Variants in FGF12 observed in about 807,000 individuals in gnomAD.
FGF12 encodes the protein fibroblast growth factor 12, also known as fibroblast growth factor 12B.
A neutral mutation model predicts 23.6 loss-of-function variants in FGF12; 14 were observed. That is an observed-to-expected ratio of 0.59 (90% CI 0.39 to 0.93). The LOEUF (loss-of-function observed/expected upper bound fraction) is 0.93. Ranked by LOEUF, FGF12 falls within the 40% of genes least tolerant of loss-of-function variation. The probability of loss-of-function intolerance (pLI) is 0.00; values close to 1 mark genes in which losing one functional copy is unlikely to be tolerated. For missense variants in FGF12, 175 were observed against 217.8 expected (o/e 0.80, Z 1.24); for synonymous variants, 62 against 77.3 (o/e 0.80, Z 1.04).
rs986807322 is a variant in FGF12 at position 192,203,255 on chromosome 3, T to G, written c.229-32599A>C. Among the ~76,000 whole-genome samples, 11 of 152,312 alleles carry G rather than the reference T, an allele frequency of 7.2e-5. No homozygotes were observed. The East Asian group carries it at 2.1e-3, about 29-fold the overall frequency. Reference sequence around the variant, plus strand: ...CTTTCCTTATAAGTTGTAGATTTCATATGCATTTGTCTTATAACCTGTTTT... The same window carrying G: ...CTTTCCTTATAAGTTGTAGATTTCAGATGCATTTGTCTTATAACCTGTTTT... On this transcript the variant is annotated intron_variant, in intron 4 of 5. Coordinates refer to ENST00000445105, the MANE Select transcript of FGF12 (RefSeq NM_004113.6).
chr3:192,353,373 T>TG (rs1718313645), intron 3 of FGF12, among the ~76,000 whole-genome samples: 1 of 145,226 alleles, frequency 6.9e-6, no homozygotes, highest in Non-Finnish European at 1.5e-5. Flanking sequence ...AGTCTTTTTT[T>TG]TTTTTTTTTT....
At chr3:192,239,691 C>T (rs776160880) in intron 4 of FGF12, among the ~76,000 whole-genome samples, 6 of 152,286 alleles carry the variant, frequency 3.9e-5, no homozygotes, top group Non-Finnish European at 7.4e-5. Flanking sequence ...CTAGGCTGAG[C>T]GCTGTTGGTG....
intron 2 of FGF12, among the ~76,000 whole-genome samples, chr3:192,463,470 A>G (rs1722920910): frequency 6.6e-6 from 1 of 152,172 alleles, no homozygotes. Context: ...AAAATATTAT[A>G]TAATAAAAGA....
intron 4 of FGF12, among the ~76,000 whole-genome samples, chr3:192,225,707 C>T (rs891413282): frequency 6.6e-6 from 1 of 151,980 alleles, no homozygotes; most frequent in Non-Finnish European, 1.5e-5. Context: ...AAAGTAAAAA[C>T]AACTGAAATG....
chr3:192,671,305 G>A (rs1410798228), intron 2 of FGF12, among the ~76,000 whole-genome samples: 1 of 152,122 alleles, frequency 6.6e-6, no homozygotes, highest in African/African-American at 2.4e-5. Flanking sequence ...GTTTTGCAGG[G>A]GAGAAAAGTG....
At chr3:192,382,646 A>T (rs1719869071) in intron 2 of FGF12, among the ~76,000 whole-genome samples, 1 of 152,236 alleles carries the variant, frequency 6.6e-6, no homozygotes, top group South Asian at 2.1e-4. Context: ...GCAAGTAATC[A>T]AACAAAAGAG....
chr3:192,279,786 A>G (rs1160873694), intron 4 of FGF12, among the ~76,000 whole-genome samples: 1 of 152,138 alleles, frequency 6.6e-6, no homozygotes, highest in South Asian at 2.1e-4. Context: ...AATAACTTAC[A>G]TTTTCTGGGC....
intron 2 of FGF12, among the ~76,000 whole-genome samples, chr3:192,384,794 T>A (rs1719974875): frequency 6.6e-6 from 1 of 152,128 alleles, no homozygotes; most frequent in African/African-American, 2.4e-5. Flanking sequence ...GAGTGACACA[T>A]CCCAAGAATT....
intron 4 of FGF12, among the ~76,000 whole-genome samples, chr3:192,302,056 C>T (rs559375803): frequency 1.6e-4 from 25 of 152,224 alleles, no homozygotes; most frequent in South Asian, 4.1e-4. Flanking sequence ...ACAACTGAGA[C>T]GGTGTTATGG....
At chr3:192,237,749 C>T (rs1317360756) in intron 4 of FGF12, among the ~76,000 whole-genome samples, 1 of 152,150 alleles carries the variant, frequency 6.6e-6, no homozygotes, top group African/African-American at 2.4e-5. Flanking sequence ...TCACCGTGTT[C>T]TTGGGATTGG....
chr3:192,417,955 T>C (rs1160577890), intron 2 of FGF12, among the ~76,000 whole-genome samples: 1 of 152,018 alleles, frequency 6.6e-6, no homozygotes, highest in African/African-American at 2.4e-5. Context: ...AATTTGCCCA[T>C]GTTTATGGTT....
At chr3:192,158,334 C>T (rs866739393) in intron 5 of FGF12, among the ~76,000 whole-genome samples, 1,537 of 52,750 alleles carry the variant, frequency 0.029, 50 homozygotes, top group African/African-American at 0.078. Flanking sequence ...CTTTCTTTCT[C>T]TTTCTTTCTT....
intron 4 of FGF12, among the ~76,000 whole-genome samples, chr3:192,325,557 G>A (rs78595083): frequency 0.037 from 5,635 of 152,174 alleles, 203 homozygotes; most frequent in South Asian, 0.17. Flanking sequence ...AAAGAGTTGT[G>A]AATATGCCTC....
intron 4 of FGF12, among the ~76,000 whole-genome samples, chr3:192,316,426 T>C (rs1344577414): frequency 1.3e-5 from 2 of 152,182 alleles, no homozygotes; most frequent in African/African-American, 2.4e-5. Context: ...AGTGGCTGCA[T>C]GGCATGGAGA....
intron 5 of FGF12, among the ~76,000 whole-genome samples, chr3:192,165,443 G>A (rs1560174590): frequency 2.6e-5 from 4 of 151,826 alleles, no homozygotes; most frequent in Non-Finnish European, 4.4e-5. Flanking sequence ...AAGGAACATG[G>A]TTTTACAGTG....
Position 192,277,420 on chromosome 3 carries a change from T to C in FGF12, c.228+57941A>G, listed in dbSNP as rs148675190. Among the ~76,000 whole-genome samples the C allele has an allele frequency of 5.2e-3, 790 of 152,272 alleles. 3 individuals carry two copies. Among genetic ancestry groups the C allele is most frequent in the Middle Eastern group, 0.01 (3 of 294 alleles). On this transcript the variant is annotated intron_variant, in intron 4 of 5. Coordinates refer to ENST00000445105, the MANE Select transcript of FGF12 (RefSeq NM_004113.6). ...CTGTCCATATGCATAACTGCTGTGA[T>C]TGCAAAACCAAGAGACACAGTAAAG...
At chr3:192,656,661 C>T (rs1716439793) in intron 2 of FGF12, among the ~76,000 whole-genome samples, 1 of 152,134 alleles carries the variant, frequency 6.6e-6, no homozygotes, top group Admixed American at 6.6e-5. Context: ...CATACATATC[C>T]AGTAACAATG....
At chr3:192,485,114 A>G (rs1723597464) in intron 2 of FGF12, among the ~76,000 whole-genome samples, 1 of 152,152 alleles carries the variant, frequency 6.6e-6, no homozygotes, top group South Asian at 2.1e-4. Flanking sequence ...ATAAACATCC[A>G]TCTATCTGTA....
chr3:192,284,813 A>AT (rs1714354925), intron 4 of FGF12, among the ~76,000 whole-genome samples: 1 of 152,050 alleles, frequency 6.6e-6, no homozygotes, highest in Non-Finnish European at 1.5e-5. Context: ...AAGTGTTGAA[A>AT]TAAGTTCCTG....
Sources: allele counts gnomAD v4.1 joint callset (sites outside exome capture counted in the v4.1 genomes callset), GRCh38; gene constraint gnomAD v4.1.1; transcripts MANE v1.5; gene names NCBI Gene and HGNC (gene_info 2026-07-23, HGNC 2026-07-21).